The following CEP112 variants were observed in gnomAD, a reference collection of about 807,000 sequenced individuals.
The protein encoded by CEP112 is centrosomal protein 112.
In CEP112, 127 loss-of-function variants were observed where a neutral mutation model predicts 153.0. The ratio of observed to expected loss-of-function variants is 0.83; its 90% CI spans 0.72 to 0.96. The LOEUF is 0.96. Among genes scored for constraint, CEP112 ranks in the 40% least tolerant of loss-of-function variants. CEP112 has a pLI of 0.00. For synonymous variants in CEP112, 358 were observed against 374.4 expected (o/e 0.96, Z 0.51); for missense variants, 1,089 against 1,101.2 (o/e 0.99, Z 0.16).
chr17:65,821,903 G>T (rs955201957), intron 21 of CEP112, among the ~76,000 whole-genome samples: 2 of 151,192 alleles, frequency 1.3e-5, no homozygotes, highest in Non-Finnish European at 2.9e-5. Context: ...TCACTAAGAA[G>T]GTATCACAAA....
At chr17:66,087,906 C>G (rs1460124168) in intron 8 of CEP112, among the ~76,000 whole-genome samples, 1 of 152,014 alleles carries the variant, frequency 6.6e-6, no homozygotes, top group Admixed American at 6.6e-5. Flanking sequence ...AACGTAGGAT[C>G]AGGCAGGACT....
intron 17 of CEP112, among the ~76,000 whole-genome samples, chr17:65,999,638 G>A (rs960842026): frequency 1.3e-5 from 2 of 151,810 alleles, no homozygotes; most frequent in South Asian, 4.2e-4. Flanking sequence ...TGTGTCATGG[G>A]GTTTGTTGTA....
intron 8 of CEP112, among the ~76,000 whole-genome samples, chr17:66,083,056 T>C (rs188889715): frequency 6.0e-4 from 91 of 152,310 alleles, no homozygotes; most frequent in African/African-American, 1.9e-3. Flanking sequence ...AATACTTTAA[T>C]AAATCCTTCA....
intron 21 of CEP112, among the ~76,000 whole-genome samples, chr17:65,805,380 C>T (rs1423880342): frequency 1.3e-5 from 2 of 151,998 alleles, no homozygotes; most frequent in Non-Finnish European, 2.9e-5. Flanking sequence ...CTGCCAAAAG[C>T]ATAAAGTAAC....
chr17:66,069,934 T>TG lies in CEP112; in HGVS notation c.835dup (p.His279ProfsTer2). ...TCCTACCTTCTGAACATCAGCATCA[T>TG]GTTTCTGTTGCAGTTTAAGCTTTTC... is the stretch of plus-strand genomic sequence containing the variant. On this transcript the variant is annotated frameshift_variant, in exon 9 of 27. Coordinates refer to ENST00000535342, the MANE Select transcript of CEP112 (RefSeq NM_001199165.4). LOFTEE classifies it high-confidence loss of function. The TG allele has an allele frequency of 6.3e-7, 1 of 1,599,860 alleles. No homozygotes were observed.
chr17:65,739,209 T>C (rs1022701371), intron 23 of CEP112, among the ~76,000 whole-genome samples: 10 of 152,204 alleles, frequency 6.6e-5, no homozygotes, highest in Non-Finnish European at 1.5e-4. Context: ...CCCCAGCCAA[T>C]GCCACACATT....
rs147268169 is a variant in CEP112 at position 65,914,848 on chromosome 17, C to T, written c.1981-12514G>A. 9.2e-5 allele frequency among the ~76,000 whole-genome samples: 14 copies of T among 152,288 alleles called. No homozygotes were observed. In the East Asian group the frequency reaches 1.2e-3, roughly 13 times the overall value. On this transcript the variant is annotated intron_variant, in intron 19 of 26. Coordinates refer to ENST00000535342, the MANE Select transcript of CEP112 (RefSeq NM_001199165.4). Reference sequence around the variant, plus strand: ...CCTTTTCTTTCAAAATTCCTCAAAACGGCTGCTCACAACGCATTGTCTGTC... The same window carrying T: ...CCTTTTCTTTCAAAATTCCTCAAAATGGCTGCTCACAACGCATTGTCTGTC...
chr17:65,698,613 G>A (rs536664467), intron 23 of CEP112, among the ~76,000 whole-genome samples: 16 of 152,112 alleles, frequency 1.1e-4, no homozygotes, highest in Middle Eastern at 3.4e-3. Context: ...GACATTACCC[G>A]CAGCTCCTCT....
chr17:65,738,438 T>C (rs1431354405), intron 23 of CEP112, among the ~76,000 whole-genome samples: 1 of 152,168 alleles, frequency 6.6e-6, no homozygotes, highest in African/African-American at 2.4e-5. Context: ...TTTTGTCTGT[T>C]GAATTAAAGT....
chr17:65,689,989 G>C (rs1292068907), intron 23 of CEP112, among the ~76,000 whole-genome samples: 2 of 151,944 alleles, frequency 1.3e-5, no homozygotes, highest in Non-Finnish European at 1.5e-5. Context: ...AGAATGCATG[G>C]GGTGGTAACA....
intron 4 of CEP112, among the ~76,000 whole-genome samples, chr17:66,159,594 A>G (rs1344750396): frequency 6.6e-6 from 1 of 152,232 alleles, no homozygotes; most frequent in Non-Finnish European, 1.5e-5. Flanking sequence ...AACCAATGAC[A>G]AAAACCACAT....
At chr17:65,678,079 G>A (rs925272227) in intron 24 of CEP112, among the ~76,000 whole-genome samples, 33 of 152,130 alleles carry the variant, frequency 2.2e-4, no homozygotes, top group African/African-American at 7.2e-4. Flanking sequence ...TGTTTGATAC[G>A]TTTTTCCAAA....
chr17:65,935,953 C>G (rs1345127698), intron 18 of CEP112, among the ~76,000 whole-genome samples: 1 of 151,726 alleles, frequency 6.6e-6, no homozygotes, highest in African/African-American at 2.4e-5. Flanking sequence ...TAAAAAAGAT[C>G]AATGAAACTA....
At chr17:65,848,524 T>A (rs2057806878) in intron 21 of CEP112, among the ~76,000 whole-genome samples, 1 of 152,132 alleles carries the variant, frequency 6.6e-6, no homozygotes, top group Non-Finnish European at 1.5e-5. Flanking sequence ...CCTAAGTTCT[T>A]CCTTCACAGT....
At chr17:65,681,567 C>G (rs960076762) in intron 24 of CEP112, among the ~76,000 whole-genome samples, 13 of 150,582 alleles carry the variant, frequency 8.6e-5, no homozygotes, top group African/African-American at 2.7e-4. Flanking sequence ...ATGATAGTGT[C>G]ATTGTCCACT....
chr17:66,102,049 C>T (rs895617293), intron 6 of CEP112, among the ~76,000 whole-genome samples: 10 of 152,220 alleles, frequency 6.6e-5, no homozygotes, highest in African/African-American at 2.4e-4. Flanking sequence ...AGTTATTTTT[C>T]CACCTTATAT....
chr17:66,158,527 G>A (rs554315658), intron 4 of CEP112, among the ~76,000 whole-genome samples: 1 of 152,208 alleles, frequency 6.6e-6, no homozygotes, highest in South Asian at 2.1e-4. Flanking sequence ...CAGGAGAATG[G>A]CGTGAACCCA....
Position 65,835,193 on chromosome 17 carries a change from T to TAA in CEP112, c.2394+16609_2394+16610dup, listed in dbSNP as rs35890393. Among the ~76,000 whole-genome samples, 200 of 130,830 alleles carry TAA rather than the reference T, an allele frequency of 1.5e-3. 3 individuals carry two copies. The highest frequency in any genetic ancestry group is 2.9e-3 in the African/African-American group (99 of 33,900). 85.8% of individuals were successfully genotyped at this position (130,830 alleles called of 152,430 possible). ...TGTACCCCCAAACCCAAAATAAAAG[T>TAA]AAAAAAAAAAAAAAAAAGACTTAAT... On this transcript the variant is annotated intron_variant, in intron 21 of 26. Transcript: ENST00000535342.
intron 21 of CEP112, among the ~76,000 whole-genome samples, chr17:65,831,319 A>C (rs2057069312): frequency 6.6e-6 from 1 of 152,210 alleles, no homozygotes. Context: ...GCACTTTGGG[A>C]GGCCGAGGCG....
Sources: gnomAD v4.1 joint callset for allele counts (sites outside exome capture counted in the v4.1 genomes callset) on GRCh38, gnomAD v4.1.1 for gene constraint, MANE v1.5 for transcripts, NCBI Gene and HGNC (gene_info 2026-07-23, HGNC 2026-07-21) for gene names.